Variants in ULK4 observed in about 807,000 individuals in gnomAD.
ULK4 encodes inactive serine/threonine-protein kinase ULK4.
Under a neutral mutation model 160.6 loss-of-function variants are expected in ULK4, and 133 were observed. The observed-to-expected ratio is 0.83, with a 90% confidence interval of 0.72 to 0.96. ULK4 has a LOEUF of 0.96. Ranked by LOEUF, ULK4 falls within the 40% of genes least tolerant of loss-of-function variation. The probability of loss-of-function intolerance (pLI) is 0.00; values close to 1 mark genes in which losing one functional copy is unlikely to be tolerated. For missense variants in ULK4, 1,580 were observed against 1,499.5 expected (o/e 1.05, Z -0.89); for synonymous variants, 534 against 539.8 (o/e 0.99, Z 0.15).
At chr3:41,671,318 T>C (rs933886229) in intron 29 of ULK4, among the ~76,000 whole-genome samples, 1 of 152,058 alleles carries the variant, frequency 6.6e-6, no homozygotes, top group Non-Finnish European at 1.5e-5. Context: ...TCTAGAAGCA[T>C]CACACTACCT....
chr3:41,324,596 G>C (rs1359853044), intron 35 of ULK4, among the ~76,000 whole-genome samples: 3 of 152,224 alleles, frequency 2.0e-5, no homozygotes, highest in Non-Finnish European at 4.4e-5. Flanking sequence ...CAGACAAGGG[G>C]AGGGGGCTTG....
chr3:41,306,131 G>A lies in ULK4; in HGVS notation c.3679-56557C>T, dbSNP rs1276302709. Among the ~76,000 whole-genome samples the A allele has an allele frequency of 5.0e-4, 27 of 54,064 alleles. 3 individuals are homozygous for A. Among genetic ancestry groups the A allele is most frequent in the Admixed American group, 4.0e-3 (27 of 6,724 alleles). 35.5% of individuals were successfully genotyped at this position (54,064 alleles called of 152,430 possible). On this transcript the variant is annotated intron_variant, in intron 35 of 36. Transcript: ENST00000301831. ...GCCACCCCGTCCGGGAGGGAGGTGG[G>A]GGGGGGGGGTCAGCCCCCCGCCAGG...
chr3:41,247,844 C>T (rs578089592), intron 36 of ULK4, among the ~76,000 whole-genome samples: 81 of 152,344 alleles, frequency 5.3e-4, no homozygotes, highest in African/African-American at 1.8e-3. Context: ...AGAGCAGCAT[C>T]GGAACTGAGA....
chr3:41,666,599 C>T (rs1051472713), intron 29 of ULK4, among the ~76,000 whole-genome samples: 6 of 152,152 alleles, frequency 3.9e-5, no homozygotes, highest in Admixed American at 6.5e-5. Flanking sequence ...ATGAGTCCTT[C>T]GTGTACCCTG....
chr3:41,835,756 C>T (rs2041734805), intron 18 of ULK4, 108 bp downstream of exon 18: 8 of 686,504 alleles, frequency 1.2e-5, no homozygotes, highest in South Asian at 4.5e-5. Context: ...GTTCCTCAGG[C>T]GTGCTCTAAG....
At chr3:41,406,973 G>A (rs1248718053) in intron 34 of ULK4, among the ~76,000 whole-genome samples, 1 of 152,144 alleles carries the variant, frequency 6.6e-6, no homozygotes, top group East Asian at 1.9e-4. Context: ...CTATGTGCAG[G>A]GAGGACAACA....
intron 35 of ULK4, among the ~76,000 whole-genome samples, chr3:41,292,540 G>T (rs2079590559): frequency 1.3e-5 from 2 of 152,146 alleles, no homozygotes. Context: ...CAGCTACTCG[G>T]GAGGCTGAGG....
At chr3:41,737,376 A>G (rs929431810) in intron 22 of ULK4, among the ~76,000 whole-genome samples, 1 of 151,944 alleles carries the variant, frequency 6.6e-6, no homozygotes, top group Non-Finnish European at 1.5e-5. Flanking sequence ...GATACAAACA[A>G]ATGGAAGAAC....
At chr3:41,879,498 T>TA (rs925806322) in intron 17 of ULK4, among the ~76,000 whole-genome samples, 104 of 147,024 alleles carry the variant, frequency 7.1e-4, no homozygotes, top group Middle Eastern at 3.5e-3. Flanking sequence ...TTCCATAATT[T>TA]AAAAAAAAAA....
intron 35 of ULK4, among the ~76,000 whole-genome samples, chr3:41,371,303 T>C (rs1338480809): frequency 6.6e-6 from 1 of 152,208 alleles, no homozygotes; most frequent in Non-Finnish European, 1.5e-5. Context: ...TGCTAACAGA[T>C]GGTCTGCCTC....
intron 22 of ULK4, among the ~76,000 whole-genome samples, chr3:41,718,473 T>C (rs1031615417): frequency 2.6e-5 from 4 of 152,222 alleles, no homozygotes; most frequent in Admixed American, 6.5e-5. Context: ...AACCCGGAAC[T>C]AGGGAGTCTA....
intron 2 of ULK4, among the ~76,000 whole-genome samples, chr3:41,947,144 G>A (rs1171010555): frequency 6.6e-5 from 10 of 152,240 alleles, no homozygotes; most frequent in Admixed American, 2.0e-4. Context: ...TGGCTAAAAC[G>A]GTGAAACCCC....
At chr3:41,416,820 G>A (rs770932561) in intron 34 of ULK4, among the ~76,000 whole-genome samples, 35 of 152,098 alleles carry the variant, frequency 2.3e-4, no homozygotes, top group Non-Finnish European at 4.3e-4. Flanking sequence ...AGGGAGAAAG[G>A]GGGACCCAAA....
intron 32 of ULK4, among the ~76,000 whole-genome samples, chr3:41,506,787 T>A (rs1380250955): frequency 0.018 from 751 of 42,010 alleles, 86 homozygotes; most frequent in Admixed American, 0.056. Flanking sequence ...TATATATATA[T>A]ATATATATAT....
intron 8 of ULK4, among the ~76,000 whole-genome samples, chr3:41,915,228 G>T (rs551850044): frequency 6.6e-5 from 10 of 152,194 alleles, no homozygotes; most frequent in African/African-American, 1.7e-4. Flanking sequence ...TATAAGTAAA[G>T]GATGTTTGTC....
chr3:41,292,256 C>G (rs2079581820), intron 35 of ULK4, among the ~76,000 whole-genome samples: 1 of 152,144 alleles, frequency 6.6e-6, no homozygotes, highest in Non-Finnish European at 1.5e-5. Context: ...TTTGTAAAGA[C>G]AAGTCTTTCA....
At chr3:41,334,012 A>G (rs2080501114) in intron 35 of ULK4, among the ~76,000 whole-genome samples, 1 of 152,030 alleles carries the variant, frequency 6.6e-6, no homozygotes, top group Non-Finnish European at 1.5e-5. Flanking sequence ...TTGAGAGGAG[A>G]ATAAAAGTTC....
At chr3:41,505,678 C>A (rs2085350257) in intron 32 of ULK4, among the ~76,000 whole-genome samples, 2 of 151,992 alleles carry the variant, frequency 1.3e-5, no homozygotes, top group Admixed American at 1.3e-4. Context: ...TGCTTAGGGA[C>A]CTAGCTAAAC....
intron 16 of ULK4, among the ~76,000 whole-genome samples, chr3:41,885,050 G>A (rs1697671870): frequency 1.3e-5 from 2 of 152,006 alleles, no homozygotes; most frequent in South Asian, 4.1e-4. Flanking sequence ...TAGAGATGGG[G>A]TCCGCTATGA....
Sources: allele counts gnomAD v4.1 joint callset (sites outside exome capture counted in the v4.1 genomes callset), GRCh38; gene constraint gnomAD v4.1.1; transcripts MANE v1.5; gene names NCBI Gene and HGNC (gene_info 2026-07-23, HGNC 2026-07-21).